TM6SF2: variants seen among roughly 807,000 people sequenced by gnomAD.
TM6SF2 encodes transmembrane 6 superfamily member 2.
Under a neutral mutation model 41.0 loss-of-function variants are expected in TM6SF2, and 29 were observed. The ratio of observed to expected loss-of-function variants is 0.71; its 90% CI spans 0.53 to 0.96. The LOEUF (loss-of-function observed/expected upper bound fraction) is 0.96. Ranked by LOEUF, TM6SF2 falls within the 50% of genes least tolerant of loss-of-function variation. TM6SF2 has a pLI of 0.00. For missense variants in TM6SF2, 475 were observed against 499.0 expected (o/e 0.95, Z 0.46); for synonymous variants, 200 against 209.1 (o/e 0.96, Z 0.37).
chr19:19,265,423 T>TATTTATCTATCCATCC (rs2061000425), intron 9 of TM6SF2, among the ~76,000 whole-genome samples: 1 of 146,908 alleles, frequency 6.8e-6, no homozygotes, highest in Admixed American at 6.9e-5. Flanking sequence ...TCCATCTATC[T>TATTTATCTATCCATCC]ATCTATCTAT....
At chr19:19,270,931 T>C (rs2061021603) in intron 2 of TM6SF2, 91 bp downstream of exon 2, 1 of 1,052,042 alleles carries the variant, frequency 9.5e-7, no homozygotes, top group Non-Finnish European at 1.5e-6. Context: ...GCCCCCAGTC[T>C]GATGGAGGAG....
chr19:19,272,446 C>T (rs146121815), intron 1 of TM6SF2, among the ~76,000 whole-genome samples: 32 of 152,254 alleles, frequency 2.1e-4, no homozygotes, highest in East Asian at 1.9e-3. Context: ...GATGGGTATT[C>T]CCACCCAGGG....
At position 19,270,371 on chromosome 19, in the gene TM6SF2, C is replaced by T; in HGVS notation, c.271G>A (p.Gly91Ser). ...TCCTTGGTGTAGAACTCCATGAAGCCCACCACATAGCTGTCTTCCTGAAGA... is the reference window on the plus strand; with the variant it reads ...TCCTTGGTGTAGAACTCCATGAAGCTCACCACATAGCTGTCTTCCTGAAGA... ...IALQEDSYVV[G>S]FMEFYTKEGE... Residue 91 changes from glycine to serine, a missense_variant, in exon 3 of 10, where the codon GGC (glycine) becomes AGC (serine). Physicochemically the swap from Gly to Ser is moderately conservative, Grantham distance 56. Coordinates refer to ENST00000389363, the MANE Select transcript of TM6SF2 (RefSeq NM_001001524.3). 1.2e-6 allele frequency: 2 copies of T among 1,614,138 alleles called. No individual in the cohort carries two copies. Among genetic ancestry groups the T allele is most frequent in the South Asian group, 1.1e-5 (1 of 91,086 alleles).
chr19:19,268,219 T>A, intron 6 of TM6SF2, 132 bp from the exon 7 acceptor site: 1 of 664,046 alleles, frequency 1.5e-6, no homozygotes, highest in Non-Finnish European at 2.5e-6. Flanking sequence ...TTTTTTTTTT[T>A]TTTTGAGACA....
At position 19,270,446 on chromosome 19, in the gene TM6SF2, C is replaced by A; in HGVS notation, c.200-4G>T. The A allele has an allele frequency of 6.2e-7, 1 of 1,601,990 alleles. No individual in the cohort carries two copies. The highest frequency in any genetic ancestry group is 2.3e-5 in the East Asian group (1 of 44,302). On this transcript the variant is annotated splice_polypyrimidine_tract_variant and splice_region_variant and intron_variant, in intron 2 of 9. Coordinates refer to ENST00000389363, the MANE Select transcript of TM6SF2 (RefSeq NM_001001524.3). The stretch of plus-strand genomic sequence containing the variant: ...GTGAAGGCGAAGACAGCGAAGACTG[C>A]AGTGAGTGGGCGGGCCGGGTCAGGT...
At chr19:19,268,479 A>T in intron 6 of TM6SF2, 151 bp downstream of exon 6, 1 of 1,210,818 alleles carries the variant, frequency 8.3e-7, no homozygotes, top group South Asian at 1.7e-5. Flanking sequence ...AAATGTTGGG[A>T]TTACAGGCAT....
rs764373234 is a variant in TM6SF2 at position 19,270,265 on chromosome 19, G to T, written c.309C>A (p.Tyr103Ter). 1 of 1,614,238 alleles carries T rather than the reference G, an allele frequency of 6.2e-7. No individual in the cohort carries two copies. The highest frequency in any genetic ancestry group is 1.3e-5 in the African/African-American group (1 of 75,080). Residue 103 changes from tyrosine to a stop codon, truncating the protein, a stop_gained, in exon 4 of 10, where the codon TAC becomes TAA. Coordinates refer to ENST00000389363, the MANE Select transcript of TM6SF2 (RefSeq NM_001001524.3). LOFTEE classifies it high-confidence loss of function. ...TGAAGACTCCGTGCGCTGTGCGCAG[G>T]TATGGCTCTCCCTGTGGGGGCAGGT... ...MEFYTKEGEP[Y>*]LRTAHGVFIC...
At chr19:19,268,843 C>T in intron 5 of TM6SF2, 89 bp from the exon 6 acceptor site, 1 of 1,450,792 alleles carries the variant, frequency 6.9e-7, no homozygotes, top group Non-Finnish European at 9.0e-7. Flanking sequence ...GAGTCTTGCT[C>T]TGTCACCCAG....
At position 19,264,829 on chromosome 19, in the gene TM6SF2, G is replaced by T; in HGVS notation, c.969C>A (p.Pro323=). The T allele has an allele frequency of 6.2e-7, 1 of 1,603,340 alleles. No homozygotes were observed. Among genetic ancestry groups the T allele is most frequent in the African/African-American group, 1.3e-5 (1 of 74,404 alleles). Residue 323 remains proline, a synonymous_variant, in exon 10 of 10, where the codon CCC becomes CCA. Coordinates refer to ENST00000389363, the MANE Select transcript of TM6SF2 (RefSeq NM_001001524.3). ...HMGASMHLRT[P]FTYRVPEDTW... Reference sequence around the variant, plus strand: ...TGTCCTCAGGCACACGGTAGGTGAAGGGTGTGCGCAGGTGCATGGAAGCCC... The same window carrying T: ...TGTCCTCAGGCACACGGTAGGTGAATGGTGTGCGCAGGTGCATGGAAGCCC...
In TM6SF2 at chr19:19,268,623, C is replaced by A. The variant is rs753394211; in HGVS notation, c.609+7G>T. 112 of 1,578,894 alleles carry A rather than the reference C, an allele frequency of 7.1e-5. No individual in the cohort carries two copies. The highest frequency in any genetic ancestry group is 9.5e-5 in the Non-Finnish European group (111 of 1,168,936). ...GGGACAAGGCCTAAGAGGGGTAAGG[C>A]ACTCACCATGTTGGCGGTGCAGCGG... On this transcript the variant is annotated splice_region_variant and intron_variant, in intron 6 of 9. Transcript: ENST00000389363.
intron 2 of TM6SF2, 66 bp downstream of exon 2, chr19:19,270,956 C>G: frequency 7.2e-7 from 1 of 1,384,700 alleles, no homozygotes; most frequent in South Asian, 1.2e-5. Context: ...CTTAATGGCC[C>G]CCAAGTCTGA....
intron 1 of TM6SF2, 58 bp downstream of exon 1, chr19:19,273,058 TCCTCC>T: frequency 8.5e-6 from 4 of 470,234 alleles, no homozygotes; most frequent in Non-Finnish European, 1.5e-5. Flanking sequence ...CCACCTCCAG[TCCTCC>T]CCGCCCCCGC....
intron 9 of TM6SF2, 45 bp from the exon 10 acceptor site, chr19:19,264,918 A>C (rs2060997663): frequency 7.1e-7 from 1 of 1,416,268 alleles, no homozygotes; most frequent in Non-Finnish European, 9.4e-7. Flanking sequence ...CCAGGAAGGA[A>C]CTGAAATCCC....
At chr19:19,269,906 G>C (rs1406447051) in intron 4 of TM6SF2, 137 bp from the exon 5 acceptor site, 1 of 1,539,604 alleles carries the variant, frequency 6.5e-7, no homozygotes, top group African/African-American at 1.4e-5. Context: ...GGACAACAGG[G>C]AGTTGAACGG....
rs763896047 is a variant in TM6SF2, at chr19:19,270,446, C to T, written c.200-4G>A. ...GTGAAGGCGAAGACAGCGAAGACTG[C>T]AGTGAGTGGGCGGGCCGGGTCAGGT... On this transcript the variant is annotated splice_polypyrimidine_tract_variant and splice_region_variant and intron_variant, in intron 2 of 9. Transcript: ENST00000389363. 4 of 1,601,992 alleles carry T rather than the reference C, an allele frequency of 2.5e-6. No individual in the cohort carries two copies. Among genetic ancestry groups the T allele is most frequent in the Non-Finnish European group, 3.4e-6 (4 of 1,175,352 alleles).
At position 19,270,429 on chromosome 19, in the gene TM6SF2, G is replaced by A. The variant is rs988755435; in HGVS notation, c.213C>T (p.Phe71=). 22 of 1,609,724 alleles carry A rather than the reference G, an allele frequency of 1.4e-5. No homozygotes were observed. Among genetic ancestry groups the A allele is most frequent in the Admixed American group, 8.4e-5 (5 of 59,474 alleles). ...TGAGGTCCACAACCGAGGTGAAGGC[G>A]AAGACAGCGAAGACTGCAGTGAGTG... The part of the protein sequence containing the change: ...YDPLYAVFAV[F]AFTSVVDLII... Residue 71 remains phenylalanine (F), a synonymous_variant, in exon 3 of 10, where the codon TTC becomes TTT. Transcript: ENST00000389363.
intron 6 of TM6SF2, 43 bp downstream of exon 6, chr19:19,268,587 T>A: frequency 6.5e-7 from 1 of 1,527,558 alleles, no homozygotes; most frequent in Non-Finnish European, 8.7e-7. Context: ...CGGGGAAAGT[T>A]CAGGCACATT....
intron 8 of TM6SF2, among the ~76,000 whole-genome samples, chr19:19,267,242 C>T (rs554134877): frequency 1.3e-5 from 2 of 152,100 alleles, no homozygotes; most frequent in African/African-American, 4.8e-5. Flanking sequence ...GTGGCTCACG[C>T]CTGTAATCCC....
intron 1 of TM6SF2, among the ~76,000 whole-genome samples, chr19:19,271,994 T>A (rs1276869780): frequency 6.6e-6 from 1 of 152,106 alleles, no homozygotes; most frequent in Non-Finnish European, 1.5e-5. Flanking sequence ...CGCTCCCAGC[T>A]CCTCCCAGCT....
Sources: allele counts gnomAD v4.1 joint callset (sites outside exome capture counted in the v4.1 genomes callset), GRCh38; gene constraint gnomAD v4.1.1; transcripts MANE v1.5; gene names NCBI Gene and HGNC (gene_info 2026-07-23, HGNC 2026-07-21).